COL5A3: variants seen among roughly 807,000 people sequenced by gnomAD.
COL5A3 encodes collagen alpha-3(V) chain.
COL5A3 carries 172 observed loss-of-function variants against 250.0 expected under a neutral mutation model. The observed-to-expected ratio is 0.69, with a 90% CI of 0.61 to 0.78. COL5A3 has a LOEUF of 0.78. Ranked by LOEUF, COL5A3 falls within the 30% of genes least tolerant of loss-of-function variation. The pLI is 0.00. For missense variants in COL5A3, 2,340 were observed against 2,334.4 expected (o/e 1.00, Z -0.05); for synonymous variants, 937 against 900.4 (o/e 1.04, Z -0.73).
At chr19:9,994,467 A>G (rs2087240255) in intron 16 of COL5A3, among the ~76,000 whole-genome samples, 1 of 149,686 alleles carries the variant, frequency 6.7e-6, no homozygotes, top group Non-Finnish European at 1.5e-5. Flanking sequence ...TAGAGATACC[A>G]GTTGCTATGC....
Position 9,982,056 on chromosome 19 carries a change from A to G in COL5A3, c.2460+9T>C. On this transcript the variant is annotated intron_variant, in intron 32 of 66. Transcript: ENST00000264828. The stretch of plus-strand genomic sequence containing the variant: ...TCTCCCCTCTCCCTTACCCCCGGTC[A>G]TGACTCACCGACTTCCCTTTCTCTC... The G allele has an allele frequency of 6.2e-7, 1 of 1,608,560 alleles. No homozygotes were observed. The highest frequency in any genetic ancestry group is 8.5e-7 in the Non-Finnish European group (1 of 1,175,872).
At chr19:9,972,119 ATCCAT>A (rs1423295313) in intron 51 of COL5A3, among the ~76,000 whole-genome samples, 1 of 152,204 alleles carries the variant, frequency 6.6e-6, no homozygotes, top group Non-Finnish European at 1.5e-5. Context: ...TCATTCATTC[ATCCAT>A]TCATTCATAT....
At chr19:9,994,559 CAT>C (rs57642882) in intron 16 of COL5A3, among the ~76,000 whole-genome samples, 2,086 of 69,554 alleles carry the variant, frequency 0.03, 37 homozygotes, top group Non-Finnish European at 0.044. Context: ...ATATGTTTTA[CAT>C]ATATATATAT....
chr19:9,980,361 C>T (rs2086990906), intron 35 of COL5A3, among the ~76,000 whole-genome samples: 1 of 152,104 alleles, frequency 6.6e-6, no homozygotes, highest in Non-Finnish European at 1.5e-5. Flanking sequence ...AGGCTGTGCT[C>T]CTTCTTTTTT....
At position 9,967,330 on chromosome 19, in the gene COL5A3, C is replaced by A. The variant is rs765212151; in HGVS notation, c.4458+17G>T. 1.6e-5 allele frequency: 22 copies of A among 1,393,800 alleles called. No homozygotes were observed. Among genetic ancestry groups the A allele is most frequent in the Non-Finnish European group, 1.9e-5 (21 of 1,087,332 alleles). 86.3% of individuals were successfully genotyped at this position (1,393,800 alleles called of 1,614,324 possible). A position where few individuals can be genotyped will look rare whatever the true frequency, so the allele number is the denominator to read the frequency against. On this transcript the variant is annotated intron_variant, in intron 62 of 66. Transcript: ENST00000264828. Reference sequence around the variant, plus strand: ...CCAGGTTTTGGTGTCCATTCCCCCGCCCCCCGGGGAACTCACCGGGGGGCC... The same window carrying A: ...CCAGGTTTTGGTGTCCATTCCCCCGACCCCCGGGGAACTCACCGGGGGGCC...
At chr19:9,967,487 ACACACACT>A (rs1026406193) in intron 61 of COL5A3, 87 bp from the exon 62 acceptor site, 18 of 824,804 alleles carry the variant, frequency 2.2e-5, no homozygotes, top group East Asian at 9.3e-5. Flanking sequence ...ACACACTCAC[ACACACACT>A]CACACACACA....
rs773320666 is a variant in COL5A3 at position 9,979,224 on chromosome 19, C to T, written c.2782G>A (p.Val928Met). The T allele has an allele frequency of 2.1e-5, 33 of 1,607,988 alleles. No individual in the cohort carries two copies. The highest frequency in any genetic ancestry group is 3.4e-5 in the Admixed American group (2 of 58,194). The stretch of plus-strand genomic sequence containing the variant: ...GGCCCCCTTTCACCTAGAGGTCCCA[C>T]TTCTCCTGTCTTTCCCTGGTGAGGA... The part of the protein sequence containing the change: ...VLGPQGKTGE[V>M]GPLGERGPPG... Residue 928 changes from valine to methionine, a missense_variant, in exon 39 of 67, where the codon GTG becomes ATG. This residue lies in a region of COL5A3 where 1,179 missense variants were observed against 1,162.6 expected (regional missense o/e 1.01). Coordinates refer to ENST00000264828, the MANE Select transcript of COL5A3 (RefSeq NM_015719.4).
intron 11 of COL5A3, chr19:9,996,906 G>C: frequency 1.8e-6 from 1 of 565,454 alleles, no homozygotes; most frequent in Non-Finnish European, 3.1e-6. Context: ...GAGAAGGGGA[G>C]AGAGGGATGG....
chr19:9,992,252 G>A (rs1335167987), intron 21 of COL5A3, among the ~76,000 whole-genome samples: 2 of 151,852 alleles, frequency 1.3e-5, no homozygotes, highest in South Asian at 2.1e-4. Flanking sequence ...GTGAAACCCC[G>A]TCTTTACTAA....
chr19:9,971,805 C>T (rs748422904), intron 51 of COL5A3, among the ~76,000 whole-genome samples: 3 of 152,050 alleles, frequency 2.0e-5, no homozygotes, highest in Non-Finnish European at 2.9e-5. Context: ...AATGATCTGC[C>T]GTGAAATCAA....
At chr19:9,969,488 C>T in intron 56 of COL5A3, 86 bp from the exon 57 acceptor site, 2 of 1,590,438 alleles carry the variant, frequency 1.3e-6, no homozygotes, top group East Asian at 2.2e-5. Flanking sequence ...AGGGGCAGCC[C>T]CTCCAAACGG....
At chr19:9,967,454 C>T in intron 61 of COL5A3, 54 bp from the exon 62 acceptor site, 1 of 1,260,764 alleles carries the variant, frequency 7.9e-7, no homozygotes, top group Non-Finnish European at 1.1e-6. Flanking sequence ...ACCCTTCCCA[C>T]CAACATACAC....
intron 45 of COL5A3, among the ~76,000 whole-genome samples, chr19:9,974,649 C>A (rs777290280): frequency 7.2e-5 from 11 of 152,006 alleles, no homozygotes; most frequent in Non-Finnish European, 1.3e-4. Flanking sequence ...AGTTCTTGGG[C>A]AGGGTTCAAC....
intron 1 of COL5A3, 108 bp downstream of exon 1, chr19:10,010,190 C>T: frequency 1.2e-6 from 1 of 800,754 alleles, no homozygotes; most frequent in East Asian, 3.4e-5. Flanking sequence ...CCGCACGCGG[C>T]GCCCACGCCC....
At chr19:9,970,937 C>T (rs2086836376) in intron 53 of COL5A3, 38 bp downstream of exon 53, 1 of 1,519,244 alleles carries the variant, frequency 6.6e-7, no homozygotes. Context: ...GCTCCCCAAC[C>T]CCCGCCTCAG....
Position 9,981,152 on chromosome 19 carries a change from G to A in COL5A3, c.2461-20C>T, listed in dbSNP as rs201644951. 816 of 1,613,272 alleles carry A rather than the reference G, an allele frequency of 5.1e-4. No homozygotes were observed. The highest frequency in any genetic ancestry group is 6.5e-4 in the Non-Finnish European group (765 of 1,179,390). On this transcript the variant is annotated intron_variant, in intron 32 of 66. Coordinates refer to ENST00000264828, the MANE Select transcript of COL5A3 (RefSeq NM_015719.4). Reference sequence around the variant, plus strand: ...CTTTCCCTGAAAATGAATTGTAAGAGAGAAAGCAGAAGAGAGTTAGGGTGC... The same window carrying A: ...CTTTCCCTGAAAATGAATTGTAAGAAAGAAAGCAGAAGAGAGTTAGGGTGC...
At chr19:9,980,180 C>A in intron 35 of COL5A3, 133 bp from the exon 36 acceptor site, 1 of 853,210 alleles carries the variant, frequency 1.2e-6, no homozygotes, top group Non-Finnish European at 1.8e-6. Flanking sequence ...GGGCATTCTC[C>A]ACAAGTCAGT....
rs767821594 is a variant in COL5A3, at chr19:9,970,652, C to T, written c.3906G>A (p.Glu1302=). ...GGPGPPGASG[E]PGAPGPPGKR... ...TGCCGGGGGGCCCGGGGGCGCCGGGCTCCCCAGAAGCTCCAGGCGGACCCT... is the reference window on the plus strand; with the variant it reads ...TGCCGGGGGGCCCGGGGGCGCCGGGTTCCCCAGAAGCTCCAGGCGGACCCT... Residue 1302 remains glutamate (E), a synonymous_variant, in exon 54 of 67, where the codon GAG becomes GAA. Transcript: ENST00000264828. The T allele has an allele frequency of 1.4e-6, 2 of 1,453,558 alleles. No homozygotes were observed. The highest frequency in any genetic ancestry group is 2.8e-5 in the Admixed American group (1 of 36,168). The allele number at this position is 1,453,558 out of a possible 1,614,324, so 90.0% of individuals were successfully genotyped here. A position where few individuals can be genotyped will look rare whatever the true frequency, so the allele number is the denominator to read the frequency against.
In COL5A3 at chr19:9,977,415, G is replaced by A. The variant is rs1176009367; in HGVS notation, c.3184C>T (p.Pro1062Ser). The A allele has an allele frequency of 6.5e-7, 1 of 1,531,844 alleles. No homozygotes were observed. Among genetic ancestry groups the A allele is most frequent in the African/African-American group, 1.4e-5 (1 of 72,100 alleles). The allele number at this position is 1,531,844 out of a possible 1,614,324, so 94.9% of individuals were successfully genotyped here. A position where few individuals can be genotyped will look rare whatever the true frequency, so the allele number is the denominator to read the frequency against. Residue 1062 changes from proline (P) to serine (S), a missense_variant, in exon 43 of 67, where the codon CCT becomes TCT. By Grantham distance (74) the Pro-to-Ser change is moderately conservative (BLOSUM62 -1). This residue lies in a region of COL5A3 where 1,179 missense variants were observed against 1,162.6 expected (regional missense o/e 1.01). Transcript: ENST00000264828. ...CCAGCAGCTCCAGGGGGTCCCAGAGGCCCCAGGGGCCCTGGGATCCCATCT... is the reference window on the plus strand; with the variant it reads ...CCAGCAGCTCCAGGGGGTCCCAGAGACCCCAGGGGCCCTGGGATCCCATCT... ...GKDGIPGPLG[P>S]LGPPGAAGPS...
Sources: allele counts gnomAD v4.1 joint callset (sites outside exome capture counted in the v4.1 genomes callset), GRCh38; gene constraint gnomAD v4.1.1; regional missense constraint gnomAD v4.1.1; transcripts MANE v1.5; gene names NCBI Gene and HGNC (gene_info 2026-07-23, HGNC 2026-07-21).